MSRB3: variants seen among roughly 807,000 people sequenced by gnomAD.
MSRB3 encodes the protein methionine-R-sulfoxide reductase B3.
A neutral mutation model predicts 21.0 loss-of-function variants in MSRB3; 13 were observed. The ratio of observed to expected loss-of-function variants is 0.62; its 90% confidence interval spans 0.40 to 0.98. The LOEUF is 0.98. Among genes scored for constraint, MSRB3 ranks in the 50% least tolerant of loss-of-function variants. The pLI, the probability that MSRB3 is intolerant of heterozygous loss-of-function variation, is 0.00. For missense variants in MSRB3, 199 were observed against 230.3 expected (o/e 0.86, Z 0.88); for synonymous variants, 87 against 88.6 (o/e 0.98, Z 0.10).
intron 5 of MSRB3, among the ~76,000 whole-genome samples, chr12:65,420,626 C>G (rs748633969): frequency 2.0e-5 from 3 of 152,036 alleles, no homozygotes; most frequent in African/African-American, 4.8e-5. Flanking sequence ...TTTCCCTCCT[C>G]CTGCCCTGCT....
intron 5 of MSRB3, chr12:65,419,407 G>A: frequency 1.3e-6 from 1 of 748,940 alleles, no homozygotes; most frequent in Non-Finnish European, 2.5e-6. Flanking sequence ...CTCCTTGAGA[G>A]TCTCGATCTC....
chr12:65,339,063 C>G (rs1875968530), intron 4 of MSRB3, among the ~76,000 whole-genome samples: 1 of 152,024 alleles, frequency 6.6e-6, no homozygotes, highest in African/African-American at 2.4e-5. Flanking sequence ...GGTGACAGAG[C>G]AAGATTCTGT....
chr12:65,444,501 T>C (rs1882525957), intron 5 of MSRB3, among the ~76,000 whole-genome samples: 1 of 152,156 alleles, frequency 6.6e-6, no homozygotes, highest in Admixed American at 6.5e-5. Flanking sequence ...ATTGCAAAAA[T>C]TCCATTAGGA....
intron 4 of MSRB3, among the ~76,000 whole-genome samples, chr12:65,340,883 A>G (rs1876092385): frequency 6.6e-6 from 1 of 152,146 alleles, no homozygotes; most frequent in African/African-American, 2.4e-5. Flanking sequence ...TGACTCAGGA[A>G]GAGTTACAAG....
intron 4 of MSRB3, among the ~76,000 whole-genome samples, chr12:65,363,810 A>AC (rs1183846764): frequency 6.6e-6 from 1 of 152,026 alleles, no homozygotes; most frequent in African/African-American, 2.4e-5. Context: ...ACATGGTGAA[A>AC]CCCCGTCTCT....
chr12:65,463,875 T>C lies in MSRB3; in HGVS notation c.*553T>C, dbSNP rs1302883101. 2 of 155,442 alleles carry C rather than the reference T, an allele frequency of 1.3e-5. No homozygotes were observed. The highest frequency in any genetic ancestry group is 4.8e-5 in the African/African-American group (2 of 41,470). The allele number at this position is 155,442 out of a possible 1,614,324, so 9.6% of individuals were successfully genotyped here. ...AAAGGGTGTGAAGGTCTAAAGTCTT[T>C]CCTTATGTTAAATTGTTGCCAGATC... is the stretch of plus-strand genomic sequence containing the variant. On this transcript the variant is annotated 3_prime_UTR_variant, in exon 7 of 7. Coordinates refer to ENST00000308259, the MANE Select transcript of MSRB3 (RefSeq NM_001031679.3).
intron 5 of MSRB3, among the ~76,000 whole-genome samples, chr12:65,443,262 A>G (rs1201263524): frequency 6.6e-6 from 1 of 152,152 alleles, no homozygotes; most frequent in African/African-American, 2.4e-5. Flanking sequence ...AGGACACCTC[A>G]GTGTTCTTGA....
chr12:65,450,963 CATTAAGTACTTACCTTTCTGA>C (rs566422706), intron 5 of MSRB3, among the ~76,000 whole-genome samples: 146 of 152,298 alleles, frequency 9.6e-4, no homozygotes, highest in African/African-American at 3.4e-3. Context: ...GTTTGATTGT[CATTAAGTACTTACCTTTCTGA>C]TGTACTCTTT....
intron 4 of MSRB3, among the ~76,000 whole-genome samples, chr12:65,341,645 A>G (rs1876150884): frequency 6.6e-6 from 1 of 152,050 alleles, no homozygotes; most frequent in African/African-American, 2.4e-5. Flanking sequence ...GCATGCTGGT[A>G]TCAAAATATC....
In MSRB3 at chr12:65,463,579, G is replaced by T. The variant is rs1369118640; in HGVS notation, c.*257G>T. ...CTTCACAAGCCACTTATACCCTTTG[G>T]CATTCTTTTCTTTGAGCACATGGCT... On this transcript the variant is annotated 3_prime_UTR_variant, in exon 7 of 7. Coordinates refer to ENST00000308259, the MANE Select transcript of MSRB3 (RefSeq NM_001031679.3). 2 of 454,506 alleles carry T rather than the reference G, an allele frequency of 4.4e-6. No individual in the cohort carries two copies. Among genetic ancestry groups the T allele is most frequent in the Admixed American group, 7.6e-5 (2 of 26,468 alleles). 28.2% of individuals were successfully genotyped at this position (454,506 alleles called of 1,614,324 possible).
Position 65,399,398 on chromosome 12 carries a change from CTGTT to C in MSRB3, c.292+30376_292+30379del, listed in dbSNP as rs1265012540. Among the ~76,000 whole-genome samples, 12 of 152,106 alleles carry C rather than the reference CTGTT, an allele frequency of 7.9e-5. No homozygotes were observed. The East Asian group carries it at 2.1e-3, about 27-fold the overall frequency. ...GAATGGGAGTTCACTCATGATTTGG[CTGTT>C]TGTCTATTTTTGTTGTATAGGAATG... is the stretch of plus-strand genomic sequence containing the variant. On this transcript the variant is annotated intron_variant, in intron 5 of 6. Coordinates refer to ENST00000308259, the MANE Select transcript of MSRB3 (RefSeq NM_001031679.3).
At chr12:65,402,743 C>T (rs547571107) in intron 5 of MSRB3, among the ~76,000 whole-genome samples, 3 of 152,274 alleles carry the variant, frequency 2.0e-5, no homozygotes, top group Admixed American at 6.5e-5. Context: ...TCCCCATCTT[C>T]GTGGATTTAT....
At chr12:65,360,707 TAA>T in intron 4 of MSRB3, among the ~76,000 whole-genome samples, 1 of 152,156 alleles carries the variant, frequency 6.6e-6, no homozygotes, top group Non-Finnish European at 1.5e-5. Flanking sequence ...CTCACTTCAG[TAA>T]CTTAATTTCA....
At chr12:65,448,478 A>G (rs1494508) in intron 5 of MSRB3, among the ~76,000 whole-genome samples, 78,720 of 151,948 alleles carry the variant, frequency 0.52, 21,204 homozygotes, top group Non-Finnish European at 0.62. Flanking sequence ...ATGTAGGTAT[A>G]AGTACTAAAT....
chr12:65,306,313 T>C (rs1225324415), intron 1 of MSRB3, among the ~76,000 whole-genome samples: 2 of 152,346 alleles, frequency 1.3e-5, no homozygotes, highest in African/African-American at 4.8e-5. Flanking sequence ...TTAACTATGA[T>C]TCTTTTGTTC....
chr12:65,340,284 CA>C (rs1476381718), intron 4 of MSRB3, among the ~76,000 whole-genome samples: 1 of 151,450 alleles, frequency 6.6e-6, no homozygotes, highest in African/African-American at 2.4e-5. Context: ...ACAGCAACAG[CA>C]AAAAACAGGT....
intron 5 of MSRB3, among the ~76,000 whole-genome samples, chr12:65,384,326 T>C (rs1469088872): frequency 1.3e-5 from 2 of 152,170 alleles, no homozygotes; most frequent in Non-Finnish European, 2.9e-5. Flanking sequence ...ACCATACAAG[T>C]AATGAGTCTA....
intron 5 of MSRB3, among the ~76,000 whole-genome samples, chr12:65,411,815 T>G (rs1192876947): frequency 6.7e-6 from 1 of 149,490 alleles, no homozygotes; most frequent in African/African-American, 2.4e-5. Flanking sequence ...TATACTTATG[T>G]TTTTATATAG....
chr12:65,422,198 C>T (rs2136645534), intron 5 of MSRB3, among the ~76,000 whole-genome samples: 1 of 151,706 alleles, frequency 6.6e-6, no homozygotes, highest in East Asian at 1.9e-4. Context: ...TATATATGCA[C>T]CCAACCCAGG....
Sources: allele counts gnomAD v4.1 joint callset (sites outside exome capture counted in the v4.1 genomes callset), GRCh38; gene constraint gnomAD v4.1.1; transcripts MANE v1.5; gene names NCBI Gene and HGNC (gene_info 2026-07-23, HGNC 2026-07-21).